LANCL1: variants seen among roughly 807,000 people sequenced by gnomAD.
LANCL1 encodes the protein LanC like glutathione S-transferase 1, also known as glutathione S-transferase LANCL1.
LANCL1 carries 50 observed loss-of-function variants against 50.6 expected under a neutral mutation model. That is an observed-to-expected ratio of 0.99 (90% CI 0.79 to 1.25). LANCL1 has a LOEUF of 1.25. Among genes scored for constraint, LANCL1 ranks in the 50% most tolerant of loss-of-function variants. The probability of loss-of-function intolerance (pLI) is 0.00; values close to 1 mark genes in which losing one functional copy is unlikely to be tolerated. For synonymous variants in LANCL1, 188 were observed against 178.6 expected (o/e 1.05, Z -0.42); for missense variants, 532 against 480.7 (o/e 1.11, Z -1.00).
At chr2:210,441,672 T>C (rs1693141052) in intron 4 of LANCL1, among the ~76,000 whole-genome samples, 1 of 152,254 alleles carries the variant, frequency 6.6e-6, no homozygotes, top group South Asian at 2.1e-4. Context: ...TACAAATGTA[T>C]GGCTGAGGCT....
chr2:210,440,857 G>C, intron 5 of LANCL1, 113 bp from the exon 6 acceptor site: 2 of 887,780 alleles, frequency 2.3e-6, no homozygotes, highest in South Asian at 1.7e-5. Flanking sequence ...TTAGACACCA[G>C]CTTATAGCCA....
intron 4 of LANCL1, among the ~76,000 whole-genome samples, chr2:210,444,898 G>T (rs1693263118): frequency 6.6e-6 from 1 of 151,676 alleles, no homozygotes; most frequent in Non-Finnish European, 1.5e-5. Flanking sequence ...TTTAATTTTT[G>T]AATACGAATT....
intron 3 of LANCL1, among the ~76,000 whole-genome samples, chr2:210,461,536 G>A (rs543916684): frequency 6.6e-6 from 1 of 152,118 alleles, no homozygotes; most frequent in Non-Finnish European, 1.5e-5. Context: ...GTAGATCAGA[G>A]GAACAGCATC....
intron 3 of LANCL1, among the ~76,000 whole-genome samples, chr2:210,462,325 C>T (rs1244856759): frequency 2.0e-5 from 3 of 152,210 alleles, no homozygotes; most frequent in East Asian, 1.9e-4. Flanking sequence ...CACATAATTC[C>T]GGTAAGTCTA....
At chr2:210,446,276 T>A (rs1454501228) in intron 4 of LANCL1, among the ~76,000 whole-genome samples, 2 of 152,068 alleles carry the variant, frequency 1.3e-5, no homozygotes, top group Non-Finnish European at 2.9e-5. Context: ...CAGGCAGCTA[T>A]CTTTGCTGTT....
intron 3 of LANCL1, among the ~76,000 whole-genome samples, chr2:210,457,630 T>G (rs1056450381): frequency 3.3e-5 from 5 of 152,196 alleles, no homozygotes; most frequent in African/African-American, 1.2e-4. Flanking sequence ...AATTATACAG[T>G]ACTGAAAGAT....
intron 2 of LANCL1, among the ~76,000 whole-genome samples, chr2:210,474,725 AAAAAAT>A (rs533134401): frequency 0.012 from 1,010 of 86,950 alleles, 6 homozygotes; most frequent in Non-Finnish European, 0.017. Flanking sequence ...ACTCCGTCTA[AAAAAAT>A]AAAAATAAAA....
At position 210,433,416 on chromosome 2, in the gene LANCL1, C is replaced by A. The variant is rs947958065; in HGVS notation, c.*1071G>T. 2.0e-5 allele frequency: 3 copies of A among 152,136 alleles called. No individual in the cohort carries two copies. Among genetic ancestry groups the A allele is most frequent in the Non-Finnish European group, 4.4e-5 (3 of 68,020 alleles). The allele number at this position is 152,136 out of a possible 1,614,324, so 9.4% of individuals were successfully genotyped here. On this transcript the variant is annotated 3_prime_UTR_variant, in exon 10 of 10. Transcript: ENST00000450366. ...AAATGCTTAGTTTAGTGTTTTTGTTCAAGTTATTGGTTAGATAGTATTCCC... is the reference window on the plus strand; with the variant it reads ...AAATGCTTAGTTTAGTGTTTTTGTTAAAGTTATTGGTTAGATAGTATTCCC...
At chr2:210,435,659 T>C (rs1455898666) in intron 8 of LANCL1, among the ~76,000 whole-genome samples, 200 bp from the exon 9 acceptor site, 1 of 152,206 alleles carries the variant, frequency 6.6e-6, no homozygotes, top group Admixed American at 6.5e-5. Flanking sequence ...GAGTCACGTA[T>C]CTACAAGGTT....
intron 4 of LANCL1, chr2:210,442,569 C>T (rs1693177744): frequency 6.6e-6 from 1 of 152,192 alleles, no homozygotes; most frequent in South Asian, 2.1e-4. Context: ...TGCTCTGCAC[C>T]TTGTGTCTCC....
intron 6 of LANCL1, 30 bp from the exon 7 acceptor site, chr2:210,437,902 GCT>G: frequency 6.5e-7 from 1 of 1,534,632 alleles, no homozygotes; most frequent in Non-Finnish European, 8.8e-7. Context: ...TATTAGTTCT[GCT>G]GAAGCAAATA....
At chr2:210,446,167 G>T (rs1461414570) in intron 4 of LANCL1, among the ~76,000 whole-genome samples, 1 of 152,174 alleles carries the variant, frequency 6.6e-6, no homozygotes, top group Non-Finnish European at 1.5e-5. Flanking sequence ...TCCTGACTGG[G>T]AGACACCTCC....
intron 4 of LANCL1, among the ~76,000 whole-genome samples, chr2:210,448,879 A>G (rs910607703): frequency 5.9e-5 from 9 of 152,200 alleles, no homozygotes; most frequent in Non-Finnish European, 1.3e-4. Flanking sequence ...TACCAACCAA[A>G]AAAAGTCCAG....
intron 2 of LANCL1, among the ~76,000 whole-genome samples, chr2:210,474,737 T>TAAAAATAA (rs1489282599): frequency 1.7e-4 from 7 of 41,642 alleles, no homozygotes; most frequent in Non-Finnish European, 5.0e-5. Context: ...AAAATAAAAA[T>TAAAAATAA]AAAAATAAAT....
At chr2:210,438,805 A>G (rs756109606) in intron 6 of LANCL1, among the ~76,000 whole-genome samples, 1 of 152,174 alleles carries the variant, frequency 6.6e-6, no homozygotes, top group Non-Finnish European at 1.5e-5. Flanking sequence ...GACATACAGC[A>G]TATGAGCCAC....
intron 6 of LANCL1, among the ~76,000 whole-genome samples, chr2:210,439,013 A>G (rs1374982698): frequency 6.6e-6 from 1 of 152,162 alleles, no homozygotes; most frequent in Non-Finnish European, 1.5e-5. Flanking sequence ...TATGACTTCC[A>G]CAAGATTCTG....
chr2:210,460,754 C>T (rs772935683), intron 3 of LANCL1: 3 of 152,096 alleles, frequency 2.0e-5, no homozygotes, highest in Admixed American at 6.6e-5. Context: ...CATTGTGGGC[C>T]GTGGCTTTCA....
intron 3 of LANCL1, among the ~76,000 whole-genome samples, chr2:210,457,660 T>C (rs1191463100): frequency 1.3e-5 from 2 of 152,176 alleles, no homozygotes; most frequent in African/African-American, 4.8e-5. Flanking sequence ...AAAACACCAG[T>C]CCTCTGGTTT....
At chr2:210,443,350 C>T (rs911968558) in intron 4 of LANCL1, among the ~76,000 whole-genome samples, 43 of 152,134 alleles carry the variant, frequency 2.8e-4, no homozygotes, top group African/African-American at 9.6e-4. Context: ...TCTCAATCAT[C>T]CCTAAATTAG....
Sources: allele counts gnomAD v4.1 joint callset (sites outside exome capture counted in the v4.1 genomes callset), GRCh38; gene constraint gnomAD v4.1.1; transcripts MANE v1.5; gene names NCBI Gene and HGNC (gene_info 2026-07-23, HGNC 2026-07-21).